The following RHBDD1 variants were observed in gnomAD, a reference collection of about 807,000 sequenced individuals.
RHBDD1 encodes the protein rhomboid domain containing 1.
In RHBDD1, 38 loss-of-function variants were observed where a neutral mutation model predicts 36.3. The observed-to-expected ratio is 1.05, with a 90% CI of 0.81 to 1.37. The LOEUF is 1.37. Ranked by LOEUF, RHBDD1 falls within the 40% of genes most tolerant of loss-of-function variation. The pLI, the probability that RHBDD1 is intolerant of heterozygous loss-of-function variation, is 0.00. For synonymous variants in RHBDD1, 151 were observed against 136.5 expected (o/e 1.11, Z -0.74); for missense variants, 393 against 377.6 (o/e 1.04, Z -0.34).
At chr2:226,945,232 C>T (rs955000288) in intron 8 of RHBDD1, among the ~76,000 whole-genome samples, 11 of 151,422 alleles carry the variant, frequency 7.3e-5, no homozygotes, top group African/African-American at 2.7e-4. Context: ...CATAGGTATA[C>T]ATGTGCCATG....
intron 3 of RHBDD1, among the ~76,000 whole-genome samples, chr2:226,843,923 A>T (rs1358208525): frequency 1.3e-5 from 2 of 152,070 alleles, no homozygotes; most frequent in Admixed American, 6.6e-5. Context: ...TTTGGTTGGT[A>T]GGCTATTTGT....
chr2:226,991,474 C>G (rs1246157513), intron 8 of RHBDD1, among the ~76,000 whole-genome samples: 1 of 152,186 alleles, frequency 6.6e-6, no homozygotes, highest in Admixed American at 6.5e-5. Flanking sequence ...GCCACCATGC[C>G]CAGCCCATTT....
chr2:226,902,883 C>A (rs1575027850), intron 5 of RHBDD1, among the ~76,000 whole-genome samples: 1 of 152,128 alleles, frequency 6.6e-6, no homozygotes, highest in Admixed American at 6.5e-5. Flanking sequence ...ATAAGAAATT[C>A]ATTTCACTGT....
chr2:226,927,443 G>T (rs567628503), intron 8 of RHBDD1, among the ~76,000 whole-genome samples: 2 of 151,660 alleles, frequency 1.3e-5, no homozygotes, highest in East Asian at 3.9e-4. Context: ...AAAAATTTAC[G>T]TACCGGAATT....
chr2:226,955,290 G>A (rs1951716254), intron 8 of RHBDD1, among the ~76,000 whole-genome samples: 1 of 152,204 alleles, frequency 6.6e-6, no homozygotes, highest in Non-Finnish European at 1.5e-5. Flanking sequence ...CAAGATCCTG[G>A]AACCACGTAA....
intron 3 of RHBDD1, among the ~76,000 whole-genome samples, chr2:226,861,594 A>G (rs1943859595): frequency 6.6e-6 from 1 of 152,252 alleles, no homozygotes; most frequent in South Asian, 2.1e-4. Flanking sequence ...ACTGTTGGCA[A>G]TGATATTGAA....
At chr2:226,860,819 C>T (rs567279743) in intron 3 of RHBDD1, among the ~76,000 whole-genome samples, 4 of 152,342 alleles carry the variant, frequency 2.6e-5, no homozygotes, top group African/African-American at 7.2e-5. Context: ...ATGGTTATAT[C>T]TCCTTTCGCA....
chr2:226,825,637 TG>T, the RHBDD1 span, among the ~76,000 whole-genome samples: 1 of 152,160 alleles, frequency 6.6e-6, no homozygotes, highest in Non-Finnish European at 1.5e-5. Context: ...AATAAAACAA[TG>T]GAAACAATGC....
intron 8 of RHBDD1, among the ~76,000 whole-genome samples, chr2:226,929,557 G>C (rs1949883098): frequency 6.6e-6 from 1 of 151,996 alleles, no homozygotes; most frequent in Admixed American, 6.6e-5. Flanking sequence ...CTGAATGGGA[G>C]AAAAGGTGAA....
intron 3 of RHBDD1, among the ~76,000 whole-genome samples, chr2:226,853,302 A>T (rs1402989225): frequency 6.6e-6 from 1 of 152,228 alleles, no homozygotes; most frequent in Admixed American, 6.5e-5. Context: ...GAAGCAGAAC[A>T]TTGAACTATT....
In RHBDD1 at chr2:226,904,427, G is replaced by GGC. The variant is rs1553562561; in HGVS notation, c.567-2365_567-2364insCG. 4.6e-3 allele frequency among the ~76,000 whole-genome samples: 414 copies of GGC among 90,732 alleles called. 53 individuals are homozygous for GGC. The highest frequency in any genetic ancestry group is 0.01 in the African/African-American group (236 of 22,640). 59.5% of individuals were successfully genotyped at this position (90,732 alleles called of 152,430 possible). On this transcript the variant is annotated intron_variant, in intron 5 of 8. Coordinates refer to ENST00000392062, the MANE Select transcript of RHBDD1 (RefSeq NM_001167608.3). ...ACATCCTGCAAGCGGGGGGGGAGGG[G>GGC]GGTCAGGGAACTCCTGTTTCAGTAG...
chr2:226,875,735 G>T (rs754926700), intron 5 of RHBDD1, among the ~76,000 whole-genome samples: 9 of 152,212 alleles, frequency 5.9e-5, no homozygotes, highest in Non-Finnish European at 4.4e-5. Context: ...AATATAGGAA[G>T]CTTGGCAAAT....
chr2:226,951,325 C>T (rs1951412786), intron 8 of RHBDD1, among the ~76,000 whole-genome samples: 1 of 152,100 alleles, frequency 6.6e-6, no homozygotes, highest in African/African-American at 2.4e-5. Flanking sequence ...ATAACAATAA[C>T]ATAATAATAC....
intron 8 of RHBDD1, among the ~76,000 whole-genome samples, chr2:226,934,529 A>C (rs1326300361): frequency 6.6e-6 from 1 of 152,162 alleles, no homozygotes; most frequent in East Asian, 1.9e-4. Context: ...ATTTCATAAT[A>C]GTACCTGGCC....
chr2:226,897,547 C>T (rs191260321), intron 5 of RHBDD1, among the ~76,000 whole-genome samples: 1 of 152,284 alleles, frequency 6.6e-6, no homozygotes, highest in East Asian at 1.9e-4. Context: ...CTGGAAAGTT[C>T]AAAACTGAGC....
intron 5 of RHBDD1, among the ~76,000 whole-genome samples, chr2:226,905,277 T>C (rs1015010565): frequency 6.6e-6 from 1 of 152,116 alleles, no homozygotes; most frequent in Non-Finnish European, 1.5e-5. Flanking sequence ...GTGTAAGTAC[T>C]GTGCCACCAG....
At chr2:226,948,738 A>C (rs1951203678) in intron 8 of RHBDD1, among the ~76,000 whole-genome samples, 1 of 152,132 alleles carries the variant, frequency 6.6e-6, no homozygotes, top group South Asian at 2.1e-4. Context: ...AACACAAGAC[A>C]AGGTTGCCCT....
chr2:226,909,432 G>A (rs1231435282), intron 7 of RHBDD1, among the ~76,000 whole-genome samples: 1 of 152,168 alleles, frequency 6.6e-6, no homozygotes, highest in East Asian at 1.9e-4. Context: ...AGTCTGGGGT[G>A]GCTACACGGT....
At chr2:226,994,583 T>A (rs1396621486) in intron 8 of RHBDD1, among the ~76,000 whole-genome samples, 1 of 152,198 alleles carries the variant, frequency 6.6e-6, no homozygotes, top group Non-Finnish European at 1.5e-5. Context: ...TTGGTCCCCA[T>A]GCTTAGAAGT....
Sources: allele counts gnomAD v4.1 joint callset (sites outside exome capture counted in the v4.1 genomes callset), GRCh38; gene constraint gnomAD v4.1.1; transcripts MANE v1.5; gene names NCBI Gene and HGNC (gene_info 2026-07-23, HGNC 2026-07-21).